RHOBTB2: variants seen among roughly 807,000 people sequenced by gnomAD.
RHOBTB2 encodes the protein rho-related BTB domain-containing protein 2.
RHOBTB2 carries 39 observed loss-of-function variants against 66.5 expected under a neutral mutation model. That is an observed-to-expected ratio of 0.59 (90% CI 0.45 to 0.77). The LOEUF is 0.77. Ranked by LOEUF, RHOBTB2 falls within the 30% of genes least tolerant of loss-of-function variation. The pLI, the probability that RHOBTB2 is intolerant of heterozygous loss-of-function variation, is 0.00. For missense variants in RHOBTB2, 755 were observed against 999.1 expected, an observed-to-expected ratio of 0.76 and a Z score of 3.29; for synonymous variants, 390 against 395.0, an observed-to-expected ratio of 0.99 and a Z score of 0.15.
Position 23,018,473 on chromosome 8 carries a change from G to A in RHOBTB2, c.*1004G>A, listed in dbSNP as rs1227777048. The A allele has an allele frequency of 6.6e-6, 1 of 152,426 alleles. No homozygotes were observed. The highest frequency in any genetic ancestry group is 2.4e-5 in the African/African-American group (1 of 41,446). 9.4% of individuals were successfully genotyped at this position (152,426 alleles called of 1,614,324 possible). A position where few individuals can be genotyped will look rare whatever the true frequency, so the allele number is the denominator to read the frequency against. Reference sequence around the variant, plus strand: ...CCTAGCTCACATTTCTATAAACAGAGGCCCCCATGATGAGGAGGTGAAGAT... The same window carrying A: ...CCTAGCTCACATTTCTATAAACAGAAGCCCCCATGATGAGGAGGTGAAGAT... On this transcript the variant is annotated 3_prime_UTR_variant, in exon 10 of 10. Coordinates refer to ENST00000251822, the MANE Select transcript of RHOBTB2 (RefSeq NM_015178.3).
rs1563287889 is a variant in RHOBTB2 at position 22,999,632 on chromosome 8, T to TTC, written c.-484_-483insTC. On this transcript the variant is annotated 5_prime_UTR_variant, in exon 1 of 10. Coordinates refer to ENST00000251822, the MANE Select transcript of RHOBTB2 (RefSeq NM_015178.3). Reference sequence around the variant, plus strand: ...CCGTTTTTTTCTTTTCTTTTTTTTTTCCCTATCCTTTTTTTGTGAATGAAA... The same window carrying TTC: ...CCGTTTTTTTCTTTTCTTTTTTTTTTTCCCCTATCCTTTTTTTGTGAATGAAA... 4.0e-6 allele frequency: 5 copies of TTC among 1,245,178 alleles called. No individual in the cohort carries two copies. The African/African-American group carries it at 8.3e-5, about 21-fold the overall frequency. The allele number at this position is 1,245,178 out of a possible 1,614,324, so 77.1% of individuals were successfully genotyped here. A position where few individuals can be genotyped will look rare whatever the true frequency, so the allele number is the denominator to read the frequency against.
At position 23,006,269 on chromosome 8, in the gene RHOBTB2, G is replaced by T; in HGVS notation, c.482+124G>T. 1.2e-6 allele frequency: 1 copy of T among 821,374 alleles called. No homozygotes were observed. The highest frequency in any genetic ancestry group is 1.9e-6 in the Non-Finnish European group (1 of 515,400). The allele number at this position is 821,374 out of a possible 1,614,324, so 50.9% of individuals were successfully genotyped here. ...CCTCCATTTGGAGCAAGCTTGCATTGGGAGTCAACAAGCATGCTCATTCAT... is the reference window on the plus strand; with the variant it reads ...CCTCCATTTGGAGCAAGCTTGCATTTGGAGTCAACAAGCATGCTCATTCAT... On this transcript the variant is annotated intron_variant, in intron 4 of 9. Coordinates refer to ENST00000251822, the MANE Select transcript of RHOBTB2 (RefSeq NM_015178.3). The surrounding 1 kb of genome is among the most constrained non-coding windows in gnomAD (Gnocchi z 6.1).
At chr8:23,005,652 G>C (rs1019763951) in intron 3 of RHOBTB2, among the ~76,000 whole-genome samples, 177 bp downstream of exon 3, 1 of 152,172 alleles carries the variant, frequency 6.6e-6, no homozygotes, top group Non-Finnish European at 1.5e-5. Context: ...GCCTGGGTCC[G>C]GGATCAGGAA....
the RHOBTB2 span, among the ~76,000 whole-genome samples, chr8:22,967,264 G>T: frequency 4.6e-5 from 7 of 152,182 alleles, no homozygotes; most frequent in African/African-American, 1.7e-4. Flanking sequence ...GCTGCAACAT[G>T]AATGGGCCTT....
intron 7 of RHOBTB2, among the ~76,000 whole-genome samples, chr8:23,013,598 A>G (rs1446640985): frequency 6.6e-6 from 1 of 151,736 alleles, no homozygotes; most frequent in Non-Finnish European, 1.5e-5. Context: ...CAGGTTCAGG[A>G]GATTCTCATG....
the RHOBTB2 span, among the ~76,000 whole-genome samples, chr8:22,974,905 C>T: frequency 1.3e-5 from 2 of 152,138 alleles, no homozygotes; most frequent in African/African-American, 4.8e-5. Flanking sequence ...AGGGAAATGC[C>T]TCACCCACTA....
the RHOBTB2 span, among the ~76,000 whole-genome samples, chr8:22,963,676 G>A: frequency 6.6e-6 from 1 of 152,294 alleles, no homozygotes; most frequent in South Asian, 2.1e-4. Context: ...CACAATCATG[G>A]CGGAAGGCAA....
At chr8:22,972,466 C>CTGTTGT in the RHOBTB2 span, among the ~76,000 whole-genome samples, 4 of 152,174 alleles carry the variant, frequency 2.6e-5, no homozygotes, top group Non-Finnish European at 5.9e-5. Flanking sequence ...TCTGTTGTCA[C>CTGTTGT]CACTGTCAGC....
upstream of RHOBTB2, among the ~76,000 whole-genome samples, chr8:22,998,724 C>CA (rs555614764): frequency 0.57 from 46,453 of 81,250 alleles, 14,485 homozygotes; most frequent in Non-Finnish European, 0.65. Flanking sequence ...GAGGGAGACT[C>CA]AAAAAAAAAA....
At chr8:23,007,855 C>A (rs1265438900) in intron 5 of RHOBTB2, 109 bp downstream of exon 5, 1 of 1,507,406 alleles carries the variant, frequency 6.6e-7, no homozygotes, top group Non-Finnish European at 9.1e-7. Context: ...GCTCTTGAAG[C>A]CTGGTTTTCC....
chr8:22,963,907 G>C, the RHOBTB2 span, among the ~76,000 whole-genome samples: 2 of 151,876 alleles, frequency 1.3e-5, no homozygotes, highest in East Asian at 3.9e-4. Flanking sequence ...TCAGCCTCCC[G>C]AGTAGCTGGG....
In RHOBTB2 at chr8:23,017,356, C is replaced by T; in HGVS notation, c.2071C>T (p.Leu691Phe). 6.2e-7 allele frequency: 1 copy of T among 1,614,222 alleles called. No homozygotes were observed. The highest frequency in any genetic ancestry group is 2.2e-5 in the East Asian group (1 of 44,884). ...ARKEREKEDYLHLKRQPKRRW... is the reference protein window; with the variant it reads ...ARKEREKEDYFHLKRQPKRRW... ...GAAGGAGCGTGAGAAGGAGGACTAC[C>T]TCCACCTCAAGCGGCAGCCCAAACG... Residue 691 changes from leucine (L) to phenylalanine (F), a missense_variant, in exon 10 of 10, where the codon CTC becomes TTC. Leu to Phe is a conservative substitution (Grantham distance 22, BLOSUM62 0). Around this residue, in one of 7 missense-constraint regions of RHOBTB2, gnomAD observed 353 missense variants for 458.2 expected, o/e 0.77. Transcript: ENST00000251822. This position sits in a 1 kb window ranked among gnomAD's most constrained non-coding sequence, Gnocchi z 5.3.
chr8:22,957,021 A>G, the RHOBTB2 span, among the ~76,000 whole-genome samples: 2 of 152,258 alleles, frequency 1.3e-5, no homozygotes, highest in South Asian at 4.2e-4. Flanking sequence ...CTAGATCCAC[A>G]CTGTAGTCAA....
the RHOBTB2 span, among the ~76,000 whole-genome samples, chr8:22,962,015 G>A: frequency 4.9e-4 from 75 of 151,710 alleles, 1 homozygote; most frequent in South Asian, 0.015. Flanking sequence ...TTACGGAAAA[G>A]CCAGGTGCAG....
chr8:22,983,738 C>T (rs964628043), upstream of RHOBTB2, among the ~76,000 whole-genome samples: 7 of 151,558 alleles, frequency 4.6e-5, no homozygotes, highest in Admixed American at 2.0e-4. Flanking sequence ...AGCAGTGTAA[C>T]GTGTTTTTTT....
At position 23,017,542 on chromosome 8, in the gene RHOBTB2, C is replaced by T. The variant is rs1811333508; in HGVS notation, c.*73C>T. 4 of 1,538,794 alleles carry T rather than the reference C, an allele frequency of 2.6e-6. No homozygotes were observed. The African/African-American group carries it at 4.1e-5, about 16-fold the overall frequency. On this transcript the variant is annotated 3_prime_UTR_variant, in exon 10 of 10. Coordinates refer to ENST00000251822, the MANE Select transcript of RHOBTB2 (RefSeq NM_015178.3). This position sits in a 1 kb window ranked among gnomAD's most constrained non-coding sequence, Gnocchi z 5.3. ...TTCACCCCTCTGCTCTTCCGCATCA[C>T]CCCATCCACCTTACAGGGACCAGGG... is the stretch of plus-strand genomic sequence containing the variant.
At chr8:22,997,833 G>T (rs1023998866), upstream of RHOBTB2, among the ~76,000 whole-genome samples, 1 of 152,218 alleles carries the variant, frequency 6.6e-6, no homozygotes, top group African/African-American at 2.4e-5. Context: ...ATCATGCAGA[G>T]ATCTCAAGTT....
In RHOBTB2 at chr8:22,999,809, C is replaced by T. The variant is rs1294553364; in HGVS notation, c.-307C>T. 1 of 983,530 alleles carries T rather than the reference C, an allele frequency of 1.0e-6. No individual in the cohort carries two copies. The highest frequency in any genetic ancestry group is 1.1e-4 in the East Asian group (1 of 8,754). The allele number at this position is 983,530 out of a possible 1,614,324, so 60.9% of individuals were successfully genotyped here. On this transcript the variant is annotated 5_prime_UTR_variant, in exon 1 of 10. Transcript: ENST00000251822. ...GCTGCCTCCGCAGCCCGGCTCCGCG[C>T]GCCGCCGTGACATTGGGCGCCTGGC...
chr8:23,013,066 T>C (rs763112927), intron 7 of RHOBTB2, among the ~76,000 whole-genome samples: 33 of 152,098 alleles, frequency 2.2e-4, no homozygotes, highest in Non-Finnish European at 4.1e-4. Flanking sequence ...CCCAAAGTGC[T>C]GGGATTACAG....
Sources: gnomAD v4.1 joint callset for allele counts (sites outside exome capture counted in the v4.1 genomes callset) on GRCh38, gnomAD v4.1.1 for gene constraint, gnomAD v4.1.1 regional missense constraint, Gnocchi (gnomAD v3.1) non-coding constraint, MANE v1.5 for transcripts, NCBI Gene and HGNC (gene_info 2026-07-23, HGNC 2026-07-21) for gene names.